PLCXD3: variants seen among roughly 807,000 people sequenced by gnomAD.
The protein encoded by PLCXD3 is PI-PLC X domain-containing protein 3.
A neutral mutation model predicts 25.5 loss-of-function variants in PLCXD3; 19 were observed. That is an observed-to-expected ratio of 0.75 (90% confidence interval 0.52 to 1.09). The LOEUF (loss-of-function observed/expected upper bound fraction) is 1.09. Among genes scored for constraint, PLCXD3 ranks in the 50% least tolerant of loss-of-function variants. PLCXD3 has a pLI of 0.00. For synonymous variants in PLCXD3, 174 were observed against 137.6 expected (o/e 1.26, Z -1.85); for missense variants, 411 against 388.1 (o/e 1.06, Z -0.50).
At chr5:41,462,726 A>G (rs189879458) in intron 1 of PLCXD3, among the ~76,000 whole-genome samples, 225 of 152,054 alleles carry the variant, frequency 1.5e-3, no homozygotes, top group African/African-American at 5.4e-3. Flanking sequence ...CAGAGGTTGC[A>G]GTGAGCTGAG....
At chr5:41,317,251 C>T (rs1464246037) in intron 2 of PLCXD3, among the ~76,000 whole-genome samples, 1 of 152,190 alleles carries the variant, frequency 6.6e-6, no homozygotes, top group Non-Finnish European at 1.5e-5. Context: ...ATATCTGGAC[C>T]AAGGCCATCA....
chr5:41,331,963 A>C lies in PLCXD3; in HGVS notation c.813-18193T>G, dbSNP rs919658398. On this transcript the variant is annotated intron_variant, in intron 2 of 2. Transcript: ENST00000377801. ...TAATTCAAGATGGATTAAAGACTTA[A>C]ACGTTAGACCTAAAACCTTAAAAAC... Among the ~76,000 whole-genome samples, 9 of 152,334 alleles carry C rather than the reference A, an allele frequency of 5.9e-5. No homozygotes were observed. In the Middle Eastern group the frequency reaches 0.01, roughly 173 times the overall value.
intron 1 of PLCXD3, among the ~76,000 whole-genome samples, chr5:41,501,328 A>G (rs1335714450): frequency 6.6e-6 from 1 of 152,064 alleles, no homozygotes; most frequent in Non-Finnish European, 1.5e-5. Context: ...TAAATATGGT[A>G]TATACATACA....
chr5:41,455,392 C>G (rs576107816), intron 1 of PLCXD3, among the ~76,000 whole-genome samples: 144 of 151,796 alleles, frequency 9.5e-4, no homozygotes, highest in Non-Finnish European at 1.7e-3. Flanking sequence ...CCATCATTTT[C>G]TCAGTTTAAA....
At chr5:41,453,115 C>T (rs1424863895) in intron 1 of PLCXD3, among the ~76,000 whole-genome samples, 1 of 151,918 alleles carries the variant, frequency 6.6e-6, no homozygotes, top group Non-Finnish European at 1.5e-5. Flanking sequence ...GATTATTCCT[C>T]GTTTAACCAA....
At chr5:41,377,285 C>G (rs1295021527) in intron 2 of PLCXD3, among the ~76,000 whole-genome samples, 2 of 151,814 alleles carry the variant, frequency 1.3e-5, no homozygotes, top group African/African-American at 4.8e-5. Flanking sequence ...AAGGATCTAA[C>G]AGATAGTGAA....
In PLCXD3 at chr5:41,428,221, A is replaced by G. The variant is rs147076668; in HGVS notation, c.104-45687T>C. Among the ~76,000 whole-genome samples the G allele has an allele frequency of 8.7e-3, 1,325 of 152,220 alleles. 14 individuals carry two copies. Among genetic ancestry groups the G allele is most frequent in the Non-Finnish European group, 0.014 (941 of 67,992 alleles). On this transcript the variant is annotated intron_variant, in intron 1 of 2. Coordinates refer to ENST00000377801, the MANE Select transcript of PLCXD3 (RefSeq NM_001005473.3). ...ACAGGAATTTCTTTATCTTTCTTAT[A>G]AGCTCAGACATGTATTAAAAATATT... is the stretch of plus-strand genomic sequence containing the variant.
chr5:41,372,304 A>T (rs940046571), intron 2 of PLCXD3, among the ~76,000 whole-genome samples: 3,468 of 119,252 alleles, frequency 0.029, 50 homozygotes, highest in African/African-American at 0.038. Context: ...TCTCTCACAC[A>T]CACACACACA....
chr5:41,355,066 C>T (rs1463768171), intron 2 of PLCXD3, among the ~76,000 whole-genome samples: 1 of 152,154 alleles, frequency 6.6e-6, no homozygotes. Flanking sequence ...AATATAGACA[C>T]ACATCAAGCT....
Position 41,313,414 on chromosome 5 carries a change from T to C in PLCXD3, c.*203A>G. 2.0e-6 allele frequency: 1 copy of C among 512,526 alleles called. No individual in the cohort carries two copies. Among genetic ancestry groups the C allele is most frequent in the Non-Finnish European group, 3.3e-6 (1 of 303,196 alleles). The allele number at this position is 512,526 out of a possible 1,614,324, so 31.7% of individuals were successfully genotyped here. A position where few individuals can be genotyped will look rare whatever the true frequency, so the allele number is the denominator to read the frequency against. The stretch of plus-strand genomic sequence containing the variant: ...TAACACTAGAAGTAGATTTTGCTCA[T>C]CAAATGGGAAATGAAATATTTATAG... On this transcript the variant is annotated 3_prime_UTR_variant, in exon 3 of 3. Transcript: ENST00000377801.
rs761392566 is a variant in PLCXD3 at position 41,309,200 on chromosome 5, A to T, written c.*4417T>A. 2 of 152,602 alleles carry T rather than the reference A, an allele frequency of 1.3e-5. No individual in the cohort carries two copies. Among genetic ancestry groups the T allele is most frequent in the African/African-American group, 2.4e-5 (1 of 41,450 alleles). 9.5% of individuals were successfully genotyped at this position (152,602 alleles called of 1,614,324 possible). A position where few individuals can be genotyped will look rare whatever the true frequency, so the allele number is the denominator to read the frequency against. ...ACTATTACCTACAAAATAGTATCAC[A>T]ATTGAAATAACAATTACACAATTTT... On this transcript the variant is annotated 3_prime_UTR_variant, in exon 3 of 3. Transcript: ENST00000377801.
chr5:41,477,789 T>C (rs1288703075), intron 1 of PLCXD3, among the ~76,000 whole-genome samples: 1 of 152,214 alleles, frequency 6.6e-6, no homozygotes, highest in Non-Finnish European at 1.5e-5. Flanking sequence ...TTTCATCAGA[T>C]TGCAACTGAC....
In PLCXD3 at chr5:41,340,861, T is replaced by G. The variant is rs185325198; in HGVS notation, c.813-27091A>C. ...GAAGTTATTTGAAAATATTTTTAAT[T>G]GTGTGACCTTTTAGCTACTAATAAT... is the stretch of plus-strand genomic sequence containing the variant. On this transcript the variant is annotated intron_variant, in intron 2 of 2. Transcript: ENST00000377801. 9.6e-4 allele frequency among the ~76,000 whole-genome samples: 146 copies of G among 152,310 alleles called. 1 individual carries two copies. Among genetic ancestry groups the G allele is most frequent in the African/African-American group, 3.2e-3 (131 of 41,582 alleles).
At chr5:41,440,854 T>C (rs988702216) in intron 1 of PLCXD3, among the ~76,000 whole-genome samples, 1 of 152,312 alleles carries the variant, frequency 6.6e-6, no homozygotes. Flanking sequence ...ATTTTGTTTA[T>C]TTCAACAAGT....
chr5:41,403,798 C>A (rs1019328848), intron 1 of PLCXD3, among the ~76,000 whole-genome samples: 5 of 146,612 alleles, frequency 3.4e-5, no homozygotes, highest in Non-Finnish European at 7.5e-5. Context: ...TTAATCCAGT[C>A]TATCATTGTT....
chr5:41,329,163 T>C (rs1302763190), intron 2 of PLCXD3, among the ~76,000 whole-genome samples: 3 of 152,228 alleles, frequency 2.0e-5, no homozygotes, highest in South Asian at 2.1e-4. Context: ...CCAAAGATGC[T>C]TTATCTTCCC....
chr5:41,475,975 G>A (rs774322693), intron 1 of PLCXD3, among the ~76,000 whole-genome samples: 1 of 152,200 alleles, frequency 6.6e-6, no homozygotes, highest in Non-Finnish European at 1.5e-5. Flanking sequence ...GAGCAAGGAG[G>A]AGGAGGTAAC....
intron 1 of PLCXD3, among the ~76,000 whole-genome samples, chr5:41,402,558 T>C (rs73077958): frequency 0.038 from 5,834 of 151,918 alleles, 376 homozygotes; most frequent in African/African-American, 0.13. Flanking sequence ...CAAAGTACTA[T>C]GTAAATGTTA....
rs913672587 is a variant in PLCXD3 at position 41,312,186 on chromosome 5, C to T, written c.*1431G>A. ...TGTGTCATTGTTCTTCCCTGTAGAC[C>T]CGGACTATTAAACGTTAGGTTGCAG... On this transcript the variant is annotated 3_prime_UTR_variant, in exon 3 of 3. Coordinates refer to ENST00000377801, the MANE Select transcript of PLCXD3 (RefSeq NM_001005473.3). The T allele has an allele frequency of 3.3e-5, 5 of 152,234 alleles. No homozygotes were observed. The highest frequency in any genetic ancestry group is 3.3e-4 in the Admixed American group (5 of 15,228). 9.4% of individuals were successfully genotyped at this position (152,234 alleles called of 1,614,324 possible). A position where few individuals can be genotyped will look rare whatever the true frequency, so the allele number is the denominator to read the frequency against.
Sources: allele counts gnomAD v4.1 joint callset (sites outside exome capture counted in the v4.1 genomes callset), GRCh38; gene constraint gnomAD v4.1.1; transcripts MANE v1.5; gene names NCBI Gene and HGNC (gene_info 2026-07-23, HGNC 2026-07-21).